Variants in DAAM1 observed in about 807,000 individuals in gnomAD.
DAAM1 encodes the protein dishevelled associated activator of morphogenesis 1, also known as disheveled-associated activator of morphogenesis 1.
DAAM1 carries 52 observed loss-of-function variants against 130.0 expected under a neutral mutation model. That is an observed-to-expected ratio of 0.40 (90% CI 0.32 to 0.50). The LOEUF (loss-of-function observed/expected upper bound fraction) is 0.50, where lower values mean the gene tolerates loss of function less well. Ranked by LOEUF, DAAM1 falls within the 20% of genes least tolerant of loss-of-function variation. The probability of loss-of-function intolerance (pLI) is 0.61; values close to 1 mark genes in which losing one functional copy is unlikely to be tolerated. For missense variants in DAAM1, 1,134 were observed against 1,303.8 expected (o/e 0.87, Z 2.01); for synonymous variants, 452 against 444.5 (o/e 1.02, Z -0.21).
At chr14:59,213,805 A>G (rs1319762365) in intron 1 of DAAM1, among the ~76,000 whole-genome samples, 5 of 152,162 alleles carry the variant, frequency 3.3e-5, no homozygotes, top group Admixed American at 6.5e-5. Flanking sequence ...GTCGGAAGAC[A>G]GTTTATTTTT....
intron 5 of DAAM1, among the ~76,000 whole-genome samples, chr14:59,322,435 T>G (rs1169878885): frequency 1.3e-5 from 2 of 151,144 alleles, no homozygotes; most frequent in East Asian, 3.9e-4. Context: ...GGTGGAAGGA[T>G]CACTTGAGCC....
chr14:59,238,650 C>T (rs184865182), intron 1 of DAAM1, among the ~76,000 whole-genome samples: 124 of 152,282 alleles, frequency 8.1e-4, no homozygotes, highest in African/African-American at 2.9e-3. Flanking sequence ...GTATTCCTAA[C>T]CCTTCACGTA....
chr14:59,337,143 CTCTT>C (rs1885658243), intron 15 of DAAM1, among the ~76,000 whole-genome samples: 1 of 152,176 alleles, frequency 6.6e-6, no homozygotes, highest in South Asian at 2.1e-4. Context: ...TAGCAACTCT[CTCTT>C]TAAGAGAAAA....
At chr14:59,279,875 C>G (rs946580783) in intron 2 of DAAM1, among the ~76,000 whole-genome samples, 6 of 152,188 alleles carry the variant, frequency 3.9e-5, no homozygotes, top group Admixed American at 3.9e-4. Context: ...TAAAGAATTA[C>G]TTTAAATCAG....
intron 1 of DAAM1, among the ~76,000 whole-genome samples, chr14:59,220,420 T>C (rs1215632227): frequency 6.6e-6 from 1 of 152,218 alleles, no homozygotes; most frequent in Non-Finnish European, 1.5e-5. Flanking sequence ...AAATATTCTG[T>C]ATTAGAAATA....
chr14:59,203,217 C>T (rs1381779225), intron 1 of DAAM1, among the ~76,000 whole-genome samples: 1 of 146,752 alleles, frequency 6.8e-6, no homozygotes, highest in Non-Finnish European at 1.5e-5. Context: ...ACCATATTAG[C>T]CAGCATGGTC....
intron 5 of DAAM1, among the ~76,000 whole-genome samples, chr14:59,322,101 G>A (rs1262997005): frequency 1.3e-5 from 2 of 152,236 alleles, no homozygotes; most frequent in East Asian, 1.9e-4. Flanking sequence ...CAAAACCTTA[G>A]GGATGTAGAT....
chr14:59,245,916 A>G (rs1008780958), intron 1 of DAAM1, among the ~76,000 whole-genome samples: 1 of 152,228 alleles, frequency 6.6e-6, no homozygotes, highest in African/African-American at 2.4e-5. Context: ...AATTACTTTC[A>G]GAGCATAGCT....
At chr14:59,295,333 T>C (rs1883914500) in intron 3 of DAAM1, among the ~76,000 whole-genome samples, 1 of 152,348 alleles carries the variant, frequency 6.6e-6, no homozygotes, top group East Asian at 1.9e-4. Flanking sequence ...TTGCCTGTCA[T>C]GGCTGCAGCT....
chr14:59,351,753 TA>T (rs376635419), intron 17 of DAAM1, among the ~76,000 whole-genome samples: 19,086 of 143,456 alleles, frequency 0.13, 1,547 homozygotes, highest in African/African-American at 0.24. Context: ...GTCAATGTTT[TA>T]AAAAAAAAAA....
chr14:59,273,269 C>T (rs1882809570), intron 2 of DAAM1, among the ~76,000 whole-genome samples: 1 of 152,134 alleles, frequency 6.6e-6, no homozygotes, highest in Admixed American at 6.5e-5. Context: ...ATGTCCTTTC[C>T]TACAGGCTGT....
intron 1 of DAAM1, among the ~76,000 whole-genome samples, chr14:59,231,937 C>T (rs1352176258): frequency 6.6e-6 from 1 of 152,114 alleles, no homozygotes; most frequent in Non-Finnish European, 1.5e-5. Context: ...TATGAGGACT[C>T]AGCATGTGAA....
intron 1 of DAAM1, among the ~76,000 whole-genome samples, chr14:59,246,859 G>T (rs1881404632): frequency 6.6e-6 from 1 of 152,134 alleles, no homozygotes; most frequent in Non-Finnish European, 1.5e-5. Context: ...CATCTTTGGA[G>T]AAATGTCTAG....
chr14:59,262,653 A>T (rs1189150969), intron 1 of DAAM1, among the ~76,000 whole-genome samples: 5 of 140,870 alleles, frequency 3.5e-5, no homozygotes, highest in South Asian at 2.4e-4. Flanking sequence ...ATATTCTATT[A>T]GTGTGTGTGT....
chr14:59,256,611 G>A (rs1326461984), intron 1 of DAAM1, among the ~76,000 whole-genome samples: 1 of 152,216 alleles, frequency 6.6e-6, no homozygotes, highest in Non-Finnish European at 1.5e-5. Context: ...GAGATTAGAA[G>A]ATGTGCTCTG....
rs746674368 is a variant in DAAM1 at position 59,355,370 on chromosome 14, G to A, written c.2525+37G>A. ...ATCTTCCAACACTTGGGGGAGCCAGGTGTGTAGGTCCAGGCTCAGATTTAT... is the reference window on the plus strand; with the variant it reads ...ATCTTCCAACACTTGGGGGAGCCAGATGTGTAGGTCCAGGCTCAGATTTAT... On this transcript the variant is annotated intron_variant, in intron 20 of 24. Transcript: ENST00000360909. The A allele has an allele frequency of 5.6e-6, 9 of 1,612,218 alleles. No homozygotes were observed. The African/African-American group carries it at 9.4e-5, about 17-fold the overall frequency.
At chr14:59,354,058 G>T in intron 19 of DAAM1, 94 bp downstream of exon 19, 2 of 1,230,036 alleles carry the variant, frequency 1.6e-6, no homozygotes, top group South Asian at 1.5e-5. Context: ...AGATCCCCTT[G>T]GTGATTTTTT....
chr14:59,360,923 G>A, intron 22 of DAAM1, 61 bp downstream of exon 22: 4 of 1,485,154 alleles, frequency 2.7e-6, no homozygotes, highest in Non-Finnish European at 3.7e-6. Flanking sequence ...AGTGCTGGTG[G>A]TTTTCAGCAG....
At chr14:59,280,400 A>T (rs560310213) in intron 2 of DAAM1, among the ~76,000 whole-genome samples, 1 of 152,178 alleles carries the variant, frequency 6.6e-6, no homozygotes, top group African/African-American at 2.4e-5. Flanking sequence ...ACACCACTGC[A>T]CTCCAGCCTG....
Sources: allele counts gnomAD v4.1 joint callset (sites outside exome capture counted in the v4.1 genomes callset), GRCh38; gene constraint gnomAD v4.1.1; transcripts MANE v1.5; gene names NCBI Gene and HGNC (gene_info 2026-07-23, HGNC 2026-07-21).